Variants in PALM2AKAP2 observed in about 807,000 individuals in gnomAD.
The protein encoded by PALM2AKAP2 is PALM2-AKAP2 fusion protein.
A neutral mutation model predicts 71.5 loss-of-function variants in PALM2AKAP2; 37 were observed. The observed-to-expected ratio is 0.52, with a 90% CI of 0.40 to 0.68. The LOEUF (loss-of-function observed/expected upper bound fraction) is 0.68. Among genes scored for constraint, PALM2AKAP2 ranks in the 30% least tolerant of loss-of-function variants. The probability of loss-of-function intolerance (pLI) is 0.00; values close to 1 mark genes in which losing one functional copy is unlikely to be tolerated. For missense variants in PALM2AKAP2, 1,224 were observed against 1,191.8 expected (o/e 1.03, Z -0.40); for synonymous variants, 468 against 478.8 (o/e 0.98, Z 0.29).
chr9:109,833,050 C>T (rs1174852579), intron 1 of PALM2AKAP2, among the ~76,000 whole-genome samples: 1 of 152,090 alleles, frequency 6.6e-6, no homozygotes, highest in East Asian at 1.9e-4. Context: ...CAAACTCTGA[C>T]TCACCTTTTA....
chr9:110,019,840 T>C lies in PALM2AKAP2; in HGVS notation c.582+3801T>C, dbSNP rs373172107. On this transcript the variant is annotated intron_variant, in intron 7 of 9. Transcript: ENST00000302798. ...GGTTGTAAAACTACCTATTGGATAC[T>C]ATGTTCACTGTTTGGGTGATGGGTT... 2.2e-4 allele frequency among the ~76,000 whole-genome samples: 33 copies of C among 152,310 alleles called. No homozygotes were observed. The East Asian group carries it at 3.1e-3, about 14-fold the overall frequency.
intron 1 of PALM2AKAP2, among the ~76,000 whole-genome samples, chr9:110,132,153 G>A (rs1835749260): frequency 6.6e-6 from 1 of 151,886 alleles, no homozygotes. Context: ...CCAGGTTCAA[G>A]CAATTCTCCT....
At chr9:109,691,295 G>A (rs992788331) in intron 1 of PALM2AKAP2, among the ~76,000 whole-genome samples, 3 of 151,950 alleles carry the variant, frequency 2.0e-5, no homozygotes, top group African/African-American at 7.2e-5. Context: ...TGATTTAACA[G>A]TAAAGTAGAA....
At chr9:109,873,102 A>G (rs756611817) in intron 2 of PALM2AKAP2, among the ~76,000 whole-genome samples, 5 of 152,242 alleles carry the variant, frequency 3.3e-5, no homozygotes, top group Non-Finnish European at 7.3e-5. Context: ...GACAGGACAC[A>G]GATAAATGAC....
intron 1 of PALM2AKAP2, among the ~76,000 whole-genome samples, chr9:109,767,670 C>A (rs1564140319): frequency 6.6e-6 from 1 of 152,204 alleles, no homozygotes; most frequent in South Asian, 2.1e-4. Context: ...ATGACTCCAT[C>A]GCTGGCTTCA....
At chr9:110,144,952 G>A (rs1387512097) in intron 2 of PALM2AKAP2, among the ~76,000 whole-genome samples, 2 of 152,122 alleles carry the variant, frequency 1.3e-5, no homozygotes, top group Admixed American at 1.3e-4. Context: ...GCTCTCATTT[G>A]TCTCCAAAAT....
chr9:110,126,862 T>C (rs994724062), intron 1 of PALM2AKAP2, among the ~76,000 whole-genome samples: 2 of 152,194 alleles, frequency 1.3e-5, no homozygotes, highest in Non-Finnish European at 2.9e-5. Context: ...TTGGAGCCAC[T>C]GACTTTTCAG....
chr9:109,789,721 T>A (rs1348283734), intron 1 of PALM2AKAP2, among the ~76,000 whole-genome samples: 2 of 152,150 alleles, frequency 1.3e-5, no homozygotes, highest in Non-Finnish European at 2.9e-5. Context: ...TGCTCTGGGT[T>A]TGGGAGAAGA....
intron 1 of PALM2AKAP2, among the ~76,000 whole-genome samples, chr9:110,083,082 G>A (rs554743147): frequency 3.9e-5 from 6 of 152,228 alleles, no homozygotes; most frequent in East Asian, 1.9e-4. Context: ...CGGAGGTTGT[G>A]GTGAGTCAAG....
At chr9:109,834,956 TC>T (rs1828416334) in intron 1 of PALM2AKAP2, among the ~76,000 whole-genome samples, 1 of 152,148 alleles carries the variant, frequency 6.6e-6, no homozygotes, top group Admixed American at 6.6e-5. Flanking sequence ...CTCAAAACTT[TC>T]AAGGATGAAC....
chr9:110,089,010 G>T (rs549604820), intron 1 of PALM2AKAP2, among the ~76,000 whole-genome samples: 1 of 152,036 alleles, frequency 6.6e-6, no homozygotes. Flanking sequence ...ATGAGCCACC[G>T]CGCCGGCCTA....
upstream of PALM2AKAP2, among the ~76,000 whole-genome samples, chr9:109,777,040 T>A (rs906790199): frequency 1.3e-5 from 2 of 152,226 alleles, no homozygotes; most frequent in African/African-American, 4.8e-5. Context: ...TGATGCAGAT[T>A]TCTGATTAGG....
intron 6 of PALM2AKAP2, among the ~76,000 whole-genome samples, chr9:110,007,105 T>G (rs755571566): frequency 1.1e-4 from 16 of 152,172 alleles, no homozygotes; most frequent in Non-Finnish European, 2.1e-4. Flanking sequence ...GAATCCTCCC[T>G]TTTCCTGTCT....
intron 2 of PALM2AKAP2, among the ~76,000 whole-genome samples, chr9:109,877,919 T>C (rs1197760272): frequency 6.6e-6 from 1 of 152,256 alleles, no homozygotes; most frequent in Non-Finnish European, 1.5e-5. Context: ...TCAGAATTGC[T>C]ACCAATGAAC....
chr9:109,839,305 T>C (rs1828583364), intron 1 of PALM2AKAP2, among the ~76,000 whole-genome samples: 2 of 152,222 alleles, frequency 1.3e-5, no homozygotes, highest in African/African-American at 2.4e-5. Context: ...TCTCAATAGA[T>C]GCAGAAAAGG....
chr9:109,668,700 G>A (rs1827529275), intron 1 of PALM2AKAP2, among the ~76,000 whole-genome samples: 1 of 152,220 alleles, frequency 6.6e-6, no homozygotes, highest in South Asian at 2.1e-4. Flanking sequence ...GAAGGTATAT[G>A]ATTAGGGAAG....
intron 1 of PALM2AKAP2, among the ~76,000 whole-genome samples, chr9:109,710,763 G>C (rs1828222328): frequency 6.6e-6 from 1 of 152,140 alleles, no homozygotes; most frequent in Non-Finnish European, 1.5e-5. Flanking sequence ...AAGGATACTT[G>C]AACTCTGCTA....
chr9:109,846,349 A>G lies in PALM2AKAP2; in HGVS notation c.46-21142A>G, dbSNP rs186000331. ...GATTGGTCTCATGGCTGCCACCCAC[A>G]TAATTCTAAAGGTCTCCCAATGGGA... On this transcript the variant is annotated intron_variant, in intron 1 of 9. Coordinates refer to the PALM2AKAP2 transcript ENST00000302798. Among the ~76,000 whole-genome samples, 204 of 152,316 alleles carry G rather than the reference A, an allele frequency of 1.3e-3. 3 individuals are homozygous for G. Among genetic ancestry groups the G allele is most frequent in the South Asian group, 8.3e-4 (4 of 4,822 alleles).
intron 6 of PALM2AKAP2, among the ~76,000 whole-genome samples, chr9:109,937,276 TCA>T (rs1056313837): frequency 1.2e-4 from 19 of 152,252 alleles, no homozygotes; most frequent in African/African-American, 1.7e-4. Flanking sequence ...CCCAGAGGCC[TCA>T]CACTCCGCTC....
Sources: allele counts gnomAD v4.1 joint callset (sites outside exome capture counted in the v4.1 genomes callset), GRCh38; gene constraint gnomAD v4.1.1; transcripts MANE v1.5; gene names NCBI Gene and HGNC (gene_info 2026-07-23, HGNC 2026-07-21).